The following AKAP7 variants were observed in gnomAD, a reference collection of about 807,000 sequenced individuals.
The protein encoded by AKAP7 is A-kinase anchoring protein 7, also known as A kinase (PRKA) anchor protein 7.
AKAP7 carries 39 observed loss-of-function variants against 39.5 expected under a neutral mutation model. The observed-to-expected ratio is 0.99, with a 90% CI of 0.76 to 1.29. AKAP7 has a LOEUF of 1.29. AKAP7 is among the 50% of genes most tolerant of loss of function. The pLI is 0.00. For missense variants in AKAP7, 414 were observed against 407.7 expected, an observed-to-expected ratio of 1.02 and a Z score of -0.13; for synonymous variants, 140 against 139.1, an observed-to-expected ratio of 1.01 and a Z score of -0.05.
intron 3 of AKAP7, among the ~76,000 whole-genome samples, chr6:131,163,575 A>G (rs2128240098): frequency 6.6e-6 from 1 of 152,336 alleles, no homozygotes; most frequent in South Asian, 2.1e-4. Context: ...AAAAGTATCC[A>G]GAATTCCACT....
At chr6:131,251,605 G>C (rs1190825033) in intron 7 of AKAP7, among the ~76,000 whole-genome samples, 2 of 152,156 alleles carry the variant, frequency 1.3e-5, no homozygotes, top group Non-Finnish European at 2.9e-5. Flanking sequence ...GTTCACTTGG[G>C]AAATAAGACA....
At chr6:131,200,596 A>G (rs556400923) in intron 6 of AKAP7, among the ~76,000 whole-genome samples, 1 of 152,290 alleles carries the variant, frequency 6.6e-6, no homozygotes, top group Admixed American at 6.5e-5. Context: ...GTGACTCACC[A>G]TCCTATAGTT....
intron 1 of AKAP7, among the ~76,000 whole-genome samples, chr6:131,143,873 A>T (rs1801260608): frequency 7.0e-6 from 1 of 142,546 alleles, no homozygotes; most frequent in Non-Finnish European, 1.5e-5. Flanking sequence ...CAAGTGAACA[A>T]AGGTCTCTGG....
intron 1 of AKAP7, among the ~76,000 whole-genome samples, chr6:131,140,822 C>G (rs967620367): frequency 1.3e-5 from 2 of 152,150 alleles, no homozygotes; most frequent in Admixed American, 6.5e-5. Flanking sequence ...GATGTGTATT[C>G]ATCTATGAAA....
intron 6 of AKAP7, among the ~76,000 whole-genome samples, chr6:131,212,924 A>G (rs2128292948): frequency 6.6e-6 from 1 of 152,306 alleles, no homozygotes; most frequent in African/African-American, 2.4e-5. Flanking sequence ...CAAGGCTACA[A>G]TTAGTGATGT....
chr6:131,207,087 A>G (rs1038009639), intron 6 of AKAP7, among the ~76,000 whole-genome samples: 10 of 152,116 alleles, frequency 6.6e-5, no homozygotes. Context: ...GCTATCCTGA[A>G]ATGTCTATAA....
At chr6:131,132,424 G>C (rs771436984), upstream of AKAP7, among the ~76,000 whole-genome samples, 1 of 152,024 alleles carries the variant, frequency 6.6e-6, no homozygotes, top group African/African-American at 2.4e-5. Context: ...CGACTCATGA[G>C]GGCATGGATC....
At chr6:131,230,393 T>C (rs889317795) in intron 7 of AKAP7, among the ~76,000 whole-genome samples, 2 of 152,144 alleles carry the variant, frequency 1.3e-5, no homozygotes, top group African/African-American at 4.8e-5. Context: ...CTTGTATGTC[T>C]TCTTTTGAGA....
intron 7 of AKAP7, among the ~76,000 whole-genome samples, chr6:131,243,072 A>T (rs1462497742): frequency 1.3e-5 from 2 of 152,062 alleles, no homozygotes; most frequent in African/African-American, 4.8e-5. Context: ...GCCATGGGGG[A>T]CAGTGGGTGA....
chr6:131,159,787 C>T (rs1802778985), intron 2 of AKAP7, among the ~76,000 whole-genome samples: 1 of 152,220 alleles, frequency 6.6e-6, no homozygotes, highest in African/African-American at 2.4e-5. Context: ...GTTAACCACC[C>T]TGCTTTGAAA....
intron 6 of AKAP7, among the ~76,000 whole-genome samples, chr6:131,211,915 A>C (rs1808698822): frequency 2.0e-5 from 3 of 152,162 alleles, no homozygotes; most frequent in Non-Finnish European, 4.4e-5. Context: ...CATTTAATAC[A>C]TTTACCTTAT....
chr6:131,174,090 A>G (rs987254014), intron 5 of AKAP7, among the ~76,000 whole-genome samples: 3 of 152,236 alleles, frequency 2.0e-5, no homozygotes, highest in Non-Finnish European at 1.5e-5. Flanking sequence ...ATGTTTTTCA[A>G]AAGTTTCAAC....
chr6:131,207,517 T>TTTTTTTTTTTTTTA (rs1367120493), intron 6 of AKAP7, among the ~76,000 whole-genome samples: 9 of 141,656 alleles, frequency 6.4e-5, no homozygotes, highest in African/African-American at 2.2e-4. Flanking sequence ...TTTTTTTTTT[T>TTTTTTTTTTTTTTA]AGATATGGGG....
chr6:131,148,082 G>A (rs544374219), intron 2 of AKAP7, among the ~76,000 whole-genome samples: 6 of 152,308 alleles, frequency 3.9e-5, no homozygotes, highest in African/African-American at 1.4e-4. Context: ...AGCAACAGCT[G>A]TTTCCTCAGA....
chr6:131,250,413 C>T (rs1399320911), intron 7 of AKAP7: 4 of 1,454,952 alleles, frequency 2.7e-6, no homozygotes, highest in African/African-American at 1.4e-5. Flanking sequence ...TCCTTTCTCT[C>T]CCCCGGCGGC....
rs1349248559 is a variant in AKAP7, at chr6:131,227,218, G to A, written c.850+7410G>A. 2.0e-5 allele frequency among the ~76,000 whole-genome samples: 3 copies of A among 152,272 alleles called. No homozygotes were observed. In the East Asian group the frequency reaches 5.8e-4, roughly 29 times the overall value. Reference sequence around the variant, plus strand: ...AGCAATTGTCTTCATTGCTTTAATGGCAAAGACCACAATTACTTTTGCACC... The same window carrying A: ...AGCAATTGTCTTCATTGCTTTAATGACAAAGACCACAATTACTTTTGCACC... On this transcript the variant is annotated intron_variant, in intron 7 of 7. Coordinates refer to ENST00000431975, the MANE Select transcript of AKAP7 (RefSeq NM_016377.4).
At chr6:131,186,239 G>A (rs1333166697) in intron 5 of AKAP7, among the ~76,000 whole-genome samples, 1 of 151,962 alleles carries the variant, frequency 6.6e-6, no homozygotes, top group Non-Finnish European at 1.5e-5. Context: ...AAAGTGTGTG[G>A]GACCTTCCCC....
At chr6:131,157,551 C>T (rs1436517286) in intron 2 of AKAP7, among the ~76,000 whole-genome samples, 6 of 152,114 alleles carry the variant, frequency 3.9e-5, no homozygotes, top group Non-Finnish European at 8.8e-5. Flanking sequence ...AGATGTAGGA[C>T]CTTTTCTTAG....
Position 131,181,597 on chromosome 6 carries a change from A to G in AKAP7, c.589+12324A>G, listed in dbSNP as rs779432238. Among the ~76,000 whole-genome samples the G allele has an allele frequency of 2.6e-5, 4 of 152,150 alleles. No homozygotes were observed. In the East Asian group the frequency reaches 5.8e-4, roughly 22 times the overall value. ...TACTGTTGGATCTAGGATAAAATCT[A>G]TTCTTCTTGCTGTGTCATTTAAGAT... On this transcript the variant is annotated intron_variant, in intron 5 of 7. Coordinates refer to ENST00000431975, the MANE Select transcript of AKAP7 (RefSeq NM_016377.4).
Sources: allele counts gnomAD v4.1 joint callset (sites outside exome capture counted in the v4.1 genomes callset), GRCh38; gene constraint gnomAD v4.1.1; transcripts MANE v1.5; gene names NCBI Gene and HGNC (gene_info 2026-07-23, HGNC 2026-07-21).